The following FRY variants were observed in gnomAD, a reference collection of about 807,000 sequenced individuals.
FRY encodes the protein protein furry homolog.
FRY carries 128 observed loss-of-function variants against 348.4 expected under a neutral mutation model. That is an observed-to-expected ratio of 0.37 (90% CI 0.32 to 0.43). The LOEUF (loss-of-function observed/expected upper bound fraction) is 0.43, where lower values mean the gene tolerates loss of function less well. FRY is among the 20% of genes least tolerant of loss of function. FRY has a pLI of 1.00. For synonymous variants in FRY, 1,370 were observed against 1,374.7 expected (o/e 1.00, Z 0.08); for missense variants, 2,736 against 3,695.2 (o/e 0.74, Z 6.73).
At position 32,225,935 on chromosome 13, in the gene FRY, A is replaced by G. The variant is rs1458656555; in HGVS notation, c.5167A>G (p.Thr1723Ala). The G allele has an allele frequency of 1.2e-6, 2 of 1,614,132 alleles. No individual in the cohort carries two copies. The highest frequency in any genetic ancestry group is 1.7e-6 in the Non-Finnish European group (2 of 1,180,016). ...TREMGEAKTL[T>A]VQPAYQPEYL... ...AGAGATGGGTGAAGCTAAGACTCTA[A>G]CCGTGCAGCCAGCCTACCAACCTGA... The change falls in exon 39 of 61, where the codon ACC becomes GCC. Residue 1723 changes from threonine to alanine, a missense_variant. Physicochemically the swap from Thr to Ala is moderately conservative, Grantham distance 58 (BLOSUM62 0). Coordinates refer to ENST00000542859, the MANE Select transcript of FRY (RefSeq NM_023037.3).
At chr13:32,251,818 A>C (rs1253660901) in intron 49 of FRY, 60 bp from the exon 50 acceptor site, 3 of 1,072,172 alleles carry the variant, frequency 2.8e-6, no homozygotes, top group Non-Finnish European at 2.9e-6. Context: ...TGGCTAGAAA[A>C]TTAGAGCAGA....
chr13:32,102,947 G>A (rs146386078), intron 3 of FRY, among the ~76,000 whole-genome samples: 22 of 152,348 alleles, frequency 1.4e-4, no homozygotes, highest in African/African-American at 4.8e-4. Flanking sequence ...CACACAGGGT[G>A]TACACTTTCT....
chr13:32,127,733 C>G (rs534683454), intron 7 of FRY, among the ~76,000 whole-genome samples: 1 of 151,842 alleles, frequency 6.6e-6, no homozygotes, highest in Non-Finnish European at 1.5e-5. Context: ...GAGCCGAGAT[C>G]GTGCCACTAC....
chr13:32,053,446 T>C (rs1020696842), intron 1 of FRY, among the ~76,000 whole-genome samples: 3 of 152,232 alleles, frequency 2.0e-5, no homozygotes, highest in African/African-American at 7.2e-5. Flanking sequence ...ATAGATACTA[T>C]TAAAATGCTG....
At chr13:32,213,968 A>T (rs535610751) in intron 35 of FRY, among the ~76,000 whole-genome samples, 1 of 152,266 alleles carries the variant, frequency 6.6e-6, no homozygotes. Context: ...TGATGCAATT[A>T]TCTACCCATA....
At chr13:32,233,864 C>G (rs1886061514) in intron 41 of FRY, among the ~76,000 whole-genome samples, 1 of 152,200 alleles carries the variant, frequency 6.6e-6, no homozygotes, top group Non-Finnish European at 1.5e-5. Flanking sequence ...GATAAGGAAA[C>G]AGGCTCATGG....
At chr13:32,209,416 CATT>C in intron 32 of FRY, among the ~76,000 whole-genome samples, 166 bp from the exon 33 acceptor site, 1 of 152,116 alleles carries the variant, frequency 6.6e-6, no homozygotes, top group East Asian at 1.9e-4. Context: ...TTGATTTGTG[CATT>C]ATTAACTACT....
At chr13:32,220,163 C>T (rs374294154) in intron 36 of FRY, among the ~76,000 whole-genome samples, 291 of 152,262 alleles carry the variant, frequency 1.9e-3, no homozygotes, top group African/African-American at 6.4e-3. Context: ...AAGTTCATTT[C>T]GTAAGTTGGT....
intron 14 of FRY, among the ~76,000 whole-genome samples, chr13:32,153,044 G>A (rs1399705329): frequency 2.6e-5 from 4 of 152,100 alleles, no homozygotes; most frequent in Admixed American, 6.6e-5. Context: ...ATTTAAAACC[G>A]AAACGAGATG....
intron 1 of FRY, among the ~76,000 whole-genome samples, chr13:32,043,937 G>A (rs1336707801): frequency 2.1e-5 from 3 of 144,306 alleles, no homozygotes; most frequent in African/African-American, 7.8e-5. Context: ...GCTCACACCT[G>A]TAATCCTAGT....
chr13:32,204,298 C>T (rs945006777), intron 31 of FRY, among the ~76,000 whole-genome samples: 1 of 149,660 alleles, frequency 6.7e-6, no homozygotes, highest in Admixed American at 6.7e-5. Context: ...ACTACCACCA[C>T]CACCATCATC....
At chr13:32,058,789 T>A (rs192136459) in intron 1 of FRY, among the ~76,000 whole-genome samples, 300 of 152,014 alleles carry the variant, frequency 2.0e-3, no homozygotes, top group Admixed American at 3.5e-3. Context: ...TAAAAAAAAA[T>A]ATGTATACAT....
chr13:32,209,318 C>T (rs973706338), intron 32 of FRY, among the ~76,000 whole-genome samples: 4 of 151,764 alleles, frequency 2.6e-5, no homozygotes, highest in Non-Finnish European at 4.4e-5. Context: ...TTATGTTATG[C>T]GTATTTTACA....
chr13:32,295,470 C>T lies in FRY; in HGVS notation c.*10C>T, dbSNP rs762913561. 27 of 1,608,842 alleles carry T rather than the reference C, an allele frequency of 1.7e-5. No individual in the cohort carries two copies. Among genetic ancestry groups the T allele is most frequent in the African/African-American group, 5.3e-5 (4 of 74,940 alleles). On this transcript the variant is annotated 3_prime_UTR_variant, in exon 61 of 61. Coordinates refer to ENST00000542859, the MANE Select transcript of FRY (RefSeq NM_023037.3). ...TGGCACTAGTCTCTGACAGGAGCCT[C>T]CTGTCCCCACTGGGTTCCAAACTGG...
At chr13:32,114,473 A>G (rs2138682075) in intron 3 of FRY, among the ~76,000 whole-genome samples, 1 of 151,766 alleles carries the variant, frequency 6.6e-6, no homozygotes, top group Middle Eastern at 3.4e-3. Context: ...TGTTAACTAA[A>G]CTCTACTGTG....
At chr13:32,044,239 A>G (rs573258316) in intron 1 of FRY, among the ~76,000 whole-genome samples, 97 of 152,264 alleles carry the variant, frequency 6.4e-4, no homozygotes, top group African/African-American at 2.3e-3. Context: ...AGATATTTCC[A>G]TTTCATGTGG....
intron 8 of FRY, among the ~76,000 whole-genome samples, chr13:32,133,314 C>T (rs1255858161): frequency 6.6e-6 from 1 of 152,214 alleles, no homozygotes; most frequent in Non-Finnish European, 1.5e-5. Flanking sequence ...CACTTAACCC[C>T]TCCCATCCTC....
intron 31 of FRY, among the ~76,000 whole-genome samples, chr13:32,207,322 G>A (rs558043535): frequency 6.6e-6 from 1 of 152,160 alleles, no homozygotes; most frequent in South Asian, 2.1e-4. Flanking sequence ...ACTATTCTGA[G>A]TCTTTGCACC....
rs759971817 is a variant in FRY, at chr13:32,202,185, T to C, written c.3846+145T>C. ...TGGCTATGAAGAGTGAGAAAGTAAC[T>C]ATATAATCTTTTGTAAACATACTAA... On this transcript the variant is annotated intron_variant, in intron 30 of 60. Transcript: ENST00000542859. 4.1e-5 allele frequency: 32 copies of C among 789,714 alleles called. No individual in the cohort carries two copies. In the Middle Eastern group the frequency reaches 5.1e-3, roughly 126 times the overall value. 48.9% of individuals were successfully genotyped at this position (789,714 alleles called of 1,614,324 possible).
Sources: allele counts gnomAD v4.1 joint callset (sites outside exome capture counted in the v4.1 genomes callset), GRCh38; gene constraint gnomAD v4.1.1; transcripts MANE v1.5; gene names NCBI Gene and HGNC (gene_info 2026-07-23, HGNC 2026-07-21).